CCDC197: variants seen among roughly 807,000 people sequenced by gnomAD.
CCDC197 encodes the protein uncharacterized protein CCDC197.
In CCDC197, 24 loss-of-function variants were observed where a neutral mutation model predicts 13.4. The ratio of observed to expected loss-of-function variants is 1.80; its 90% CI spans 1.30 to 2.53. The LOEUF (loss-of-function observed/expected upper bound fraction) is 2.53, where lower values mean the gene tolerates loss of function less well. CCDC197 is among the 30% of genes most tolerant of loss of function. The pLI, the probability that CCDC197 is intolerant of heterozygous loss-of-function variation, is 0.00. For missense variants in CCDC197, 255 were observed against 148.8 expected (o/e 1.71, Z -3.71); for synonymous variants, 99 against 55.5 (o/e 1.78, Z -3.48).
chr14:93,997,943 G>T, intron 1 of CCDC197, 56 bp from the exon 2 acceptor site: 1 of 596,404 alleles, frequency 1.7e-6, no homozygotes, highest in Non-Finnish European at 3.0e-6. Context: ...AGTCCTGCCA[G>T]ATGACCTTAA....
chr14:94,000,592 C>T lies in CCDC197; in HGVS notation c.188-553C>T, dbSNP rs1033792279. On this transcript the variant is annotated intron_variant, in intron 3 of 6. Coordinates refer to ENST00000636493, the MANE Select transcript of CCDC197 (RefSeq NM_001351596.2). ...AGGTGGGTTTAGGGGTGGTGAGCTC[C>T]GGGCTGCTGGGCGATGTGGCTGGGA... Among the ~76,000 whole-genome samples the T allele has an allele frequency of 5.9e-5, 9 of 151,972 alleles. No individual in the cohort carries two copies. In the South Asian group the frequency reaches 6.2e-4, roughly 11 times the overall value.
upstream of CCDC197, among the ~76,000 whole-genome samples, chr14:93,992,575 C>T (rs1047716613): frequency 1.3e-5 from 2 of 152,220 alleles, no homozygotes; most frequent in East Asian, 3.9e-4. Flanking sequence ...CCTTCCCACA[C>T]TGCCTCTTGG....
At chr14:93,994,785 C>T (rs2141342492), upstream of CCDC197, among the ~76,000 whole-genome samples, 1 of 152,322 alleles carries the variant, frequency 6.6e-6, no homozygotes, top group East Asian at 1.9e-4. Context: ...CCTTCTCCAG[C>T]ATCTGCTTCC....
At chr14:93,987,359 C>A (rs1031148560) in exon 1 of CCDC197, 3 of 152,380 alleles carry the variant, frequency 2.0e-5, no homozygotes, top group African/African-American at 7.2e-5. Context: ...CCGTGCATTG[C>A]CTTTTGGGAA....
downstream of CCDC197, among the ~76,000 whole-genome samples, chr14:94,010,674 T>TG (rs1890793678): frequency 6.6e-6 from 1 of 152,132 alleles, no homozygotes; most frequent in Non-Finnish European, 1.5e-5. Flanking sequence ...GGACTTGCAT[T>TG]TTGGCTGGAG....
intron 6 of CCDC197, among the ~76,000 whole-genome samples, chr14:94,005,864 G>A (rs540212070): frequency 3.3e-4 from 50 of 152,312 alleles, no homozygotes; most frequent in African/African-American, 1.2e-3. Context: ...TGGTATGGGC[G>A]TATTTATATG....
chr14:93,993,303 A>C (rs530061410), upstream of CCDC197, among the ~76,000 whole-genome samples: 1 of 152,202 alleles, frequency 6.6e-6, no homozygotes, highest in Non-Finnish European at 1.5e-5. Context: ...TACCAGTTTA[A>C]AAGTTTCCGC....
At chr14:93,999,469 C>A in intron 2 of CCDC197, 114 bp from the exon 3 acceptor site, 1 of 699,160 alleles carries the variant, frequency 1.4e-6, no homozygotes, top group Non-Finnish European at 2.6e-6. Flanking sequence ...TGGTACGTGG[C>A]CGGCCCAGTG....
chr14:94,011,223 T>A (rs186770213), downstream of CCDC197, among the ~76,000 whole-genome samples: 59 of 152,328 alleles, frequency 3.9e-4, 1 homozygote, highest in Middle Eastern at 0.014. Context: ...CACCACCTTC[T>A]ACGCCCAGGG....
chr14:93,988,043 G>A (rs1393353216), intron 1 of CCDC197, among the ~76,000 whole-genome samples: 3 of 119,108 alleles, frequency 2.5e-5, no homozygotes, highest in Non-Finnish European at 3.5e-5. Context: ...GAGAGGAGAA[G>A]AGGGGTGGGG....
intron 4 of CCDC197, among the ~76,000 whole-genome samples, chr14:94,002,415 A>G (rs1890548487): frequency 6.6e-6 from 1 of 152,016 alleles, no homozygotes; most frequent in Non-Finnish European, 1.5e-5. Context: ...CTGCCTTCCG[A>G]GTAGCTGGGA....
chr14:94,007,449 T>C (rs1019807819), intron 6 of CCDC197: 1 of 152,256 alleles, frequency 6.6e-6, no homozygotes, highest in African/African-American at 2.4e-5. Context: ...AAAAGTTTAT[T>C]TCTGGATTCT....
At position 94,003,102 on chromosome 14, in the gene CCDC197, G is replaced by A; in HGVS notation, c.367-121G>A. 1 of 619,686 alleles carries A rather than the reference G, an allele frequency of 1.6e-6. No individual in the cohort carries two copies. The allele number at this position is 619,686 out of a possible 1,614,324, so 38.4% of individuals were successfully genotyped here. On this transcript the variant is annotated intron_variant, in intron 4 of 6. Transcript: ENST00000636493. The surrounding 1 kb of genome is among the most constrained non-coding windows in gnomAD (Gnocchi z 5.0). ...ATCTCTGGTGCCTTGAATGGCCCCA[G>A]CCACCCACAAGTATTCCTTCCTCCT... is the stretch of plus-strand genomic sequence containing the variant.
At chr14:93,996,786 C>T (rs1257971656), upstream of CCDC197, among the ~76,000 whole-genome samples, 1 of 152,208 alleles carries the variant, frequency 6.6e-6, no homozygotes, top group Non-Finnish European at 1.5e-5. Flanking sequence ...GAGGCCCAGC[C>T]CTCCCCACCC....
intron 1 of CCDC197, among the ~76,000 whole-genome samples, chr14:93,991,735 G>A (rs761351902): frequency 6.6e-6 from 1 of 152,228 alleles, no homozygotes; most frequent in Admixed American, 6.5e-5. Flanking sequence ...AGATGGTCAG[G>A]GAAGGCCACT....
At position 93,998,255 on chromosome 14, in the gene CCDC197, T is replaced by A. The variant is rs1309111776; in HGVS notation, c.104+20T>A. ...GGCTAAGTATGTGTTGTCCCACCCC[T>A]GCCCCAGCCCCAGCCCCAGTGCTTC... On this transcript the variant is annotated intron_variant, in intron 2 of 6. Transcript: ENST00000636493. 3.9e-6 allele frequency: 3 copies of A among 774,192 alleles called. No individual in the cohort carries two copies. Among genetic ancestry groups the A allele is most frequent in the Admixed American group, 1.7e-5 (1 of 58,586 alleles). The allele number at this position is 774,192 out of a possible 1,614,324, so 48.0% of individuals were successfully genotyped here.
chr14:94,007,897 G>A (rs1426889471), intron 6 of CCDC197, among the ~76,000 whole-genome samples: 1 of 152,200 alleles, frequency 6.6e-6, no homozygotes, highest in East Asian at 1.9e-4. Flanking sequence ...CAGTTCAGAA[G>A]GACTTCTCCA....
chr14:93,992,592 A>G (rs889183542), upstream of CCDC197, among the ~76,000 whole-genome samples: 1 of 152,178 alleles, frequency 6.6e-6, no homozygotes, highest in Non-Finnish European at 1.5e-5. Context: ...TTGGGAGGGC[A>G]TCTCCTCTGA....
At chr14:93,996,158 G>T (rs1248675707), upstream of CCDC197, among the ~76,000 whole-genome samples, 1 of 151,874 alleles carries the variant, frequency 6.6e-6, no homozygotes, top group Non-Finnish European at 1.5e-5. Flanking sequence ...CCCAGCCCCT[G>T]AGCTCCTCTC....
Sources: gnomAD v4.1 joint callset for allele counts (sites outside exome capture counted in the v4.1 genomes callset) on GRCh38, gnomAD v4.1.1 for gene constraint, Gnocchi (gnomAD v3.1) non-coding constraint, MANE v1.5 for transcripts, NCBI Gene and HGNC (gene_info 2026-07-23, HGNC 2026-07-21) for gene names.